Variants in TYW1B observed in about 807,000 individuals in gnomAD.
The protein encoded by TYW1B is S-adenosyl-L-methionine-dependent tRNA 4-demethylwyosine synthase TYW1B.
A neutral mutation model predicts 86.9 loss-of-function variants in TYW1B; 73 were observed. That is an observed-to-expected ratio of 0.84 (90% confidence interval 0.70 to 1.02). The LOEUF is 1.02. Ranked by LOEUF, TYW1B falls within the 50% of genes least tolerant of loss-of-function variation. The probability of loss-of-function intolerance (pLI) is 0.00; values close to 1 mark genes in which losing one functional copy is unlikely to be tolerated. For missense variants in TYW1B, 637 were observed against 827.4 expected, an observed-to-expected ratio of 0.77 and a Z score of 2.82; for synonymous variants, 248 against 292.8, an observed-to-expected ratio of 0.85 and a Z score of 1.56.
intron 6 of TYW1B, among the ~76,000 whole-genome samples, chr7:72,799,151 C>CTTTT (rs1309407026): frequency 1.0e-4 from 6 of 58,554 alleles, no homozygotes; most frequent in Non-Finnish European, 1.5e-4. Context: ...CCGGGTCTGC[C>CTTTT]TTTTTTTTTT....
At chr7:72,717,414 C>T (rs1242967641) in intron 9 of TYW1B, among the ~76,000 whole-genome samples, 1 of 152,124 alleles carries the variant, frequency 6.6e-6, no homozygotes, top group African/African-American at 2.4e-5. Context: ...AGGCCTTGAT[C>T]CCCTGTACAA....
chr7:72,603,709 G>A (rs1449117997), intron 13 of TYW1B, among the ~76,000 whole-genome samples: 4 of 150,168 alleles, frequency 2.7e-5, no homozygotes, highest in African/African-American at 9.7e-5. Context: ...CAGTAGGTGC[G>A]TGTCCTTGAC....
intron 6 of TYW1B, among the ~76,000 whole-genome samples, chr7:72,781,927 C>G (rs1165605888): frequency 4.6e-5 from 7 of 152,172 alleles, no homozygotes; most frequent in African/African-American, 1.7e-4. Flanking sequence ...CTACATGAAT[C>G]TTATAGAATA....
intron 8 of TYW1B, among the ~76,000 whole-genome samples, chr7:72,744,025 C>CACATTT (rs1409208861): frequency 6.6e-6 from 1 of 151,428 alleles, no homozygotes; most frequent in Non-Finnish European, 1.5e-5. Flanking sequence ...ACACAACATT[C>CACATTT]ACTGCTTGTA....
chr7:72,817,715 G>C (rs1392937590), intron 2 of TYW1B, among the ~76,000 whole-genome samples: 3 of 152,152 alleles, frequency 2.0e-5, no homozygotes, highest in African/African-American at 2.4e-5. Flanking sequence ...ACTCTACAGA[G>C]AGGAGGCAGG....
At chr7:72,686,636 C>G (rs1439545742) in intron 11 of TYW1B, among the ~76,000 whole-genome samples, 1 of 152,092 alleles carries the variant, frequency 6.6e-6, no homozygotes, top group Non-Finnish European at 1.5e-5. Flanking sequence ...GGATACATGT[C>G]ACTATACATT....
chr7:72,631,531 A>T (rs1243753682), intron 11 of TYW1B, among the ~76,000 whole-genome samples: 4 of 151,988 alleles, frequency 2.6e-5, no homozygotes, highest in Non-Finnish European at 4.4e-5. Context: ...TAAATAAATA[A>T]ATAAATGCAT....
Position 72,694,742 on chromosome 7 carries a change from A to C in TYW1B, c.1451T>G (p.Leu484Arg), listed in dbSNP as rs1554451106. The C allele has an allele frequency of 2.5e-6, 4 of 1,613,922 alleles. No homozygotes were observed. The Admixed American group carries it at 6.7e-5, about 27-fold the overall frequency. The change falls in exon 11 of 14, where the codon CTC becomes CGC. Residue 484 changes from leucine (L) to arginine (R), a missense_variant. Transcript: ENST00000620995. ...KDSLKKIDRPLFKDFWQQFLD... is the reference protein window; with the variant it reads ...KDSLKKIDRPRFKDFWQQFLD... ...GAATTGCTGCCAGAAATCCTTGAAGAGTGGGCGGTCGATTTTCTTCAGGCT... is the reference window on the plus strand; with the variant it reads ...GAATTGCTGCCAGAAATCCTTGAAGCGTGGGCGGTCGATTTTCTTCAGGCT...
chr7:72,739,235 A>C lies in TYW1B; in HGVS notation c.1082+5249T>G, dbSNP rs565349153. Among the ~76,000 whole-genome samples, 19 of 152,276 alleles carry C rather than the reference A, an allele frequency of 1.2e-4. No homozygotes were observed. The East Asian group carries it at 3.7e-3, about 29-fold the overall frequency. On this transcript the variant is annotated intron_variant, in intron 8 of 13. Transcript: ENST00000620995. The stretch of plus-strand genomic sequence containing the variant: ...GAATATGATTATCCATATGATGATA[A>C]ACGTTCACCGAGGTTTAATATACTA...
At chr7:72,638,428 A>G (rs1312309722) in intron 11 of TYW1B, among the ~76,000 whole-genome samples, 2 of 152,234 alleles carry the variant, frequency 1.3e-5, no homozygotes, top group African/African-American at 2.4e-5. Flanking sequence ...TCACGTGATT[A>G]TATCAATAGA....
chr7:72,645,623 C>T (rs1197682275), intron 11 of TYW1B, among the ~76,000 whole-genome samples: 3 of 152,102 alleles, frequency 2.0e-5, no homozygotes, highest in Admixed American at 2.0e-4. Flanking sequence ...TACAGCTGCA[C>T]ACATCATGGA....
Position 72,828,185 on chromosome 7 carries a change from G to C in TYW1B, c.-110C>G, listed in dbSNP as rs1374959182. The C allele has an allele frequency of 1.3e-6, 2 of 1,568,130 alleles. No individual in the cohort carries two copies. Among genetic ancestry groups the C allele is most frequent in the Admixed American group, 3.8e-5 (2 of 52,958 alleles). ...CCTCGCGGCGTTAGCGCCGTACCGAGTGGCTGCAGAACTGTGGGCAGCTAC... is the reference window on the plus strand; with the variant it reads ...CCTCGCGGCGTTAGCGCCGTACCGACTGGCTGCAGAACTGTGGGCAGCTAC... On this transcript the variant is annotated 5_prime_UTR_variant, in exon 1 of 14. Transcript: ENST00000620995.
chr7:72,727,864 T>C (rs1309262633), intron 9 of TYW1B, among the ~76,000 whole-genome samples: 1 of 150,466 alleles, frequency 6.6e-6, no homozygotes, highest in East Asian at 1.9e-4. Flanking sequence ...ACTCTTGCGC[T>C]TACTGACCCA....
intron 2 of TYW1B, among the ~76,000 whole-genome samples, chr7:72,826,312 A>C (rs1286565898): frequency 2.6e-5 from 4 of 152,210 alleles, no homozygotes; most frequent in African/African-American, 9.6e-5. Flanking sequence ...GGTAGCACAG[A>C]TACTGACACA....
chr7:72,715,013 T>C (rs1485692049), intron 9 of TYW1B, among the ~76,000 whole-genome samples: 1 of 152,166 alleles, frequency 6.6e-6, no homozygotes, highest in Non-Finnish European at 1.5e-5. Context: ...TGTTAAAGCT[T>C]CTCAGATGGT....
chr7:72,586,672 G>C (rs1233903920), intron 13 of TYW1B, among the ~76,000 whole-genome samples: 2 of 152,082 alleles, frequency 1.3e-5, no homozygotes, highest in African/African-American at 4.8e-5. Flanking sequence ...GGGAGGCGGA[G>C]GTTGCTGTGA....
intron 13 of TYW1B, among the ~76,000 whole-genome samples, chr7:72,580,065 G>T (rs782162603): frequency 6.6e-6 from 1 of 152,090 alleles, no homozygotes; most frequent in Admixed American, 6.6e-5. Flanking sequence ...AGCCACACTG[G>T]GAATTAGGAC....
intron 8 of TYW1B, among the ~76,000 whole-genome samples, chr7:72,743,582 A>T (rs2129571339): frequency 6.6e-6 from 1 of 152,174 alleles, no homozygotes; most frequent in East Asian, 1.9e-4. Context: ...AGTGGCTCAC[A>T]CCTGTAATCC....
At chr7:72,593,959 G>C (rs1182953251) in intron 13 of TYW1B, among the ~76,000 whole-genome samples, 4 of 151,026 alleles carry the variant, frequency 2.6e-5, no homozygotes, top group Non-Finnish European at 4.4e-5. Flanking sequence ...ATTAGAAAAT[G>C]CTTACAGACT....
Sources: gnomAD v4.1 joint callset for allele counts (sites outside exome capture counted in the v4.1 genomes callset) on GRCh38, gnomAD v4.1.1 for gene constraint, MANE v1.5 for transcripts, NCBI Gene and HGNC (gene_info 2026-07-23, HGNC 2026-07-21) for gene names.